TRAF3: variants seen among roughly 807,000 people sequenced by gnomAD.
TRAF3 encodes TNF receptor-associated factor 3.
TRAF3 carries 13 observed loss-of-function variants against 62.3 expected under a neutral mutation model. The observed-to-expected ratio is 0.21, with a 90% CI of 0.14 to 0.33. TRAF3 has a LOEUF of 0.33. TRAF3 is among the 10% of genes least tolerant of loss of function. TRAF3 has a pLI of 1.00. For synonymous variants in TRAF3, 269 were observed against 283.4 expected, an observed-to-expected ratio of 0.95 and a Z score of 0.51; for missense variants, 440 against 741.8, an observed-to-expected ratio of 0.59 and a Z score of 4.73.
Position 102,903,739 on chromosome 14 carries a change from G to A in TRAF3, c.1135+310G>A. The A allele has an allele frequency of 3.8e-6, 2 of 524,244 alleles. No homozygotes were observed. Among genetic ancestry groups the A allele is most frequent in the Non-Finnish European group, 7.4e-6 (2 of 272,000 alleles). The allele number at this position is 524,244 out of a possible 1,614,324, so 32.5% of individuals were successfully genotyped here. ...TGGCCGCAGGGTGACCCACAGGACA[G>A]GCCCAAGCGCAGATGGCAGAGGCCA... On this transcript the variant is annotated intron_variant, in intron 11 of 11. Transcript: ENST00000392745. This position sits in a 1 kb window ranked among gnomAD's most constrained non-coding sequence, Gnocchi z 6.4.
At chr14:102,856,077 CAG>C (rs951079682) in intron 2 of TRAF3, among the ~76,000 whole-genome samples, 2 of 96,472 alleles carry the variant, frequency 2.1e-5, no homozygotes, top group East Asian at 5.9e-4. Flanking sequence ...GCCTGGGCAA[CAG>C]AGTAAAACCC....
intron 2 of TRAF3, among the ~76,000 whole-genome samples, chr14:102,854,206 T>C (rs1166639798): frequency 2.0e-5 from 3 of 152,200 alleles, no homozygotes; most frequent in African/African-American, 7.2e-5. Context: ...TTGAGCTGTT[T>C]CTACTTTTTT....
At chr14:102,860,612 AT>A (rs1219848761) in intron 2 of TRAF3, among the ~76,000 whole-genome samples, 34 of 152,224 alleles carry the variant, frequency 2.2e-4, no homozygotes, top group Non-Finnish European at 2.9e-5. Context: ...AGAAAGGAAA[AT>A]TTAAGACAGT....
chr14:102,863,599 C>T (rs986637767), intron 2 of TRAF3, among the ~76,000 whole-genome samples: 10 of 152,328 alleles, frequency 6.6e-5, no homozygotes, highest in African/African-American at 2.4e-4. Flanking sequence ...AACATGTACA[C>T]AGCCCTGGGC....
intron 10 of TRAF3, among the ~76,000 whole-genome samples, chr14:102,897,825 C>T (rs755829595): frequency 6.6e-6 from 1 of 152,260 alleles, no homozygotes; most frequent in Non-Finnish European, 1.5e-5. Context: ...CAGTGACACG[C>T]GCTCACCCGC....
chr14:102,829,391 C>G (rs1291648058), intron 1 of TRAF3, among the ~76,000 whole-genome samples: 1 of 152,228 alleles, frequency 6.6e-6, no homozygotes, highest in East Asian at 1.9e-4. Context: ...TCAGTTCTTT[C>G]TCTGGTGATG....
intron 2 of TRAF3, among the ~76,000 whole-genome samples, chr14:102,837,552 C>A (rs1886100640): frequency 6.6e-6 from 1 of 152,024 alleles, no homozygotes; most frequent in Admixed American, 6.6e-5. Flanking sequence ...GCTAAAGGTG[C>A]TCCCTGGTGC....
chr14:102,888,994 T>C (rs1380375175), intron 7 of TRAF3, among the ~76,000 whole-genome samples: 1 of 152,218 alleles, frequency 6.6e-6, no homozygotes. Flanking sequence ...AGACTGATCT[T>C]AGAGGTCTTT....
intron 1 of TRAF3, among the ~76,000 whole-genome samples, chr14:102,829,972 GATAAA>G (rs1000072677): frequency 2.3e-4 from 35 of 152,076 alleles, no homozygotes; most frequent in African/African-American, 5.6e-4. Context: ...TCTACAGAAA[GATAAA>G]ATAAAATAAA....
chr14:102,824,844 A>G (rs149270695), intron 1 of TRAF3, among the ~76,000 whole-genome samples: 1 of 152,332 alleles, frequency 6.6e-6, no homozygotes, highest in East Asian at 1.9e-4. Flanking sequence ...AAGGTTGAAA[A>G]TATTACTGAG....
intron 5 of TRAF3, 99 bp downstream of exon 5, chr14:102,875,827 C>A: frequency 9.8e-7 from 1 of 1,016,308 alleles, no homozygotes; most frequent in Non-Finnish European, 1.5e-6. Flanking sequence ...ACTTTAAGAC[C>A]ATGTTGACAT....
intron 1 of TRAF3, among the ~76,000 whole-genome samples, chr14:102,824,964 G>T (rs1360325278): frequency 1.3e-5 from 2 of 152,208 alleles, no homozygotes; most frequent in Non-Finnish European, 2.9e-5. Context: ...TTCTCTTCCT[G>T]CAGAAAGAGA....
chr14:102,869,154 T>C (rs1056136152), intron 2 of TRAF3, among the ~76,000 whole-genome samples: 16 of 152,226 alleles, frequency 1.1e-4, no homozygotes, highest in African/African-American at 3.9e-4. Flanking sequence ...TGTGACGTGC[T>C]CTGTGGGTCC....
intron 4 of TRAF3, among the ~76,000 whole-genome samples, chr14:102,872,815 C>G (rs1888420001): frequency 1.3e-5 from 2 of 152,052 alleles, no homozygotes; most frequent in Admixed American, 6.6e-5. Flanking sequence ...CCGCAGCCTC[C>G]CGAGTAGCTG....
intron 8 of TRAF3, among the ~76,000 whole-genome samples, chr14:102,890,006 C>A (rs888946696): frequency 6.6e-6 from 1 of 152,244 alleles, no homozygotes; most frequent in Non-Finnish European, 1.5e-5. Context: ...ATAGTTTCAA[C>A]AGCGTGTGTG....
intron 1 of TRAF3, among the ~76,000 whole-genome samples, chr14:102,799,499 G>T (rs567570156): frequency 6.6e-6 from 1 of 152,278 alleles, no homozygotes; most frequent in African/African-American, 2.4e-5. Context: ...CGCCCAGGCT[G>T]GAGTGCAATG....
At chr14:102,899,770 G>A (rs1233510010) in intron 10 of TRAF3, among the ~76,000 whole-genome samples, 1 of 152,180 alleles carries the variant, frequency 6.6e-6, no homozygotes, top group African/African-American at 2.4e-5. Flanking sequence ...GTGGCAGTGG[G>A]GGTGCAGGCA....
chr14:102,849,390 G>C (rs1886904589), intron 2 of TRAF3, among the ~76,000 whole-genome samples: 1 of 152,242 alleles, frequency 6.6e-6, no homozygotes, highest in African/African-American at 2.4e-5. Flanking sequence ...TTCCTGTCCA[G>C]ATGGCAGGAC....
intron 2 of TRAF3, among the ~76,000 whole-genome samples, chr14:102,846,243 G>A (rs1437838679): frequency 6.6e-6 from 1 of 152,026 alleles, no homozygotes; most frequent in Non-Finnish European, 1.5e-5. Flanking sequence ...ATCTTAAGTC[G>A]TGTTTATATT....
Sources: gnomAD v4.1 joint callset for allele counts (sites outside exome capture counted in the v4.1 genomes callset) on GRCh38, gnomAD v4.1.1 for gene constraint, Gnocchi (gnomAD v3.1) non-coding constraint, MANE v1.5 for transcripts, NCBI Gene and HGNC (gene_info 2026-07-23, HGNC 2026-07-21) for gene names.